NCOR2: variants seen among roughly 807,000 people sequenced by gnomAD.
The protein encoded by NCOR2 is CTG repeat protein 26.
A neutral mutation model predicts 262.9 loss-of-function variants in NCOR2; 81 were observed. The observed-to-expected ratio is 0.31, with a 90% confidence interval of 0.26 to 0.37. The LOEUF (loss-of-function observed/expected upper bound fraction) is 0.37. Ranked by LOEUF, NCOR2 falls within the 10% of genes least tolerant of loss-of-function variation. NCOR2 has a pLI of 1.00. For synonymous variants in NCOR2, 1,659 were observed against 1,559.3 expected (o/e 1.06, Z -1.51); for missense variants, 3,385 against 3,621.4 (o/e 0.93, Z 1.68).
At chr12:124,515,143 C>T (rs891514195) in intron 1 of NCOR2, among the ~76,000 whole-genome samples, 1 of 152,166 alleles carries the variant, frequency 6.6e-6, no homozygotes, top group Admixed American at 6.5e-5. Context: ...CTGCCTGGAC[C>T]CCCTGGGATG....
At chr12:124,558,534 G>A (rs958160882) in intron 1 of NCOR2, among the ~76,000 whole-genome samples, 3 of 152,220 alleles carry the variant, frequency 2.0e-5, no homozygotes, top group Non-Finnish European at 2.9e-5. Context: ...GGAGGCGGCT[G>A]CAGTCCCAGG....
intron 17 of NCOR2, 142 bp downstream of exon 19, chr12:124,385,603 C>T (rs1593312701): frequency 7.8e-7 from 1 of 1,278,264 alleles, no homozygotes; most frequent in Non-Finnish European, 1.1e-6. Context: ...GGGCTTGAAC[C>T]CCCAGAAGCT....
chr12:124,437,909 G>A (rs750062871), intron 8 of NCOR2, 21 bp downstream of exon 10: 2 of 1,606,320 alleles, frequency 1.2e-6, no homozygotes, highest in East Asian at 2.2e-5. Flanking sequence ...AAAGCTGATG[G>A]GGGCCACGGT....
At chr12:124,429,692 C>T (rs369543497) in exon 10 of NCOR2, 13 of 1,605,258 alleles carry the variant, frequency 8.1e-6, no homozygotes, top group African/African-American at 1.3e-5. Flanking sequence ...CCCACTGCCC[C>T]GCTGGCCCAC....
chr12:124,486,470 C>G (rs1409915520), exon 2 of NCOR2: 2 of 1,612,328 alleles, frequency 1.2e-6, no homozygotes, highest in African/African-American at 1.3e-5. Flanking sequence ...ACTCAGACAG[C>G]AGGGAGGGCC....
chr12:124,325,635 C>G, intron 46 of NCOR2, 52 bp from the exon 49 acceptor site: 4 of 1,204,812 alleles, frequency 3.3e-6, no homozygotes, highest in Non-Finnish European at 4.2e-6. Flanking sequence ...CCCGGCAGCC[C>G]CTGCTGGCCG....
chr12:124,409,316 G>C (rs1235943537), intron 13 of NCOR2, among the ~76,000 whole-genome samples: 1 of 152,188 alleles, frequency 6.6e-6, no homozygotes, highest in Non-Finnish European at 1.5e-5. Context: ...CTGTCTCCTG[G>C]AAGATGGCCC....
At chr12:124,423,203 A>T (rs2043322311) in intron 11 of NCOR2, among the ~76,000 whole-genome samples, 1 of 152,214 alleles carries the variant, frequency 6.6e-6, no homozygotes, top group Non-Finnish European at 1.5e-5. Flanking sequence ...TGTGAGGGCC[A>T]AAGGAGCGGG....
chr12:124,368,124 C>T (rs939831855), intron 20 of NCOR2, among the ~76,000 whole-genome samples: 4 of 152,236 alleles, frequency 2.6e-5, no homozygotes, highest in Non-Finnish European at 4.4e-5. Context: ...AACTGTGCCT[C>T]GGTTTCTCAA....
At chr12:124,388,046 G>C (rs1463911204) in intron 16 of NCOR2, among the ~76,000 whole-genome samples, 1 of 151,608 alleles carries the variant, frequency 6.6e-6, no homozygotes, top group African/African-American at 2.4e-5. Context: ...GATCATGGGG[G>C]CAGTGGGAGT....
intron 37 of NCOR2, among the ~76,000 whole-genome samples, chr12:124,338,095 A>AT (rs1168823636): frequency 6.6e-6 from 1 of 152,202 alleles, no homozygotes; most frequent in African/African-American, 2.4e-5. Context: ...AAACGATGCC[A>AT]TTTTTCATAA....
At chr12:124,487,626 G>A (rs965309189) in intron 1 of NCOR2, among the ~76,000 whole-genome samples, 5 of 152,186 alleles carry the variant, frequency 3.3e-5, no homozygotes, top group South Asian at 2.1e-4. Context: ...TCCGCCCTGC[G>A]GCTAGGCTAT....
Position 124,495,229 on chromosome 12 carries a change from A to T in NCOR2, c.23T>A (p.Val8Glu). ...CTCAGTGGCCCTCCACGTCTGTGCC[A>T]CAGGCTGTGTGGATCCCGACATGGT... The change falls in exon 1 of 47, where the codon GTG becomes GAG. Residue 8 changes from valine (V) to glutamate (E), a missense_variant. Val to Glu is a moderately radical substitution (Grantham distance 121, BLOSUM62 -2). This residue lies in a region of NCOR2 where 237 missense variants were observed against 229.4 expected (regional missense o/e 1.03). Transcript: ENST00000405201. This position sits in a 1 kb window ranked among gnomAD's most constrained non-coding sequence, Gnocchi z 4.4. The T allele has an allele frequency of 6.2e-7, 1 of 1,613,666 alleles. No homozygotes were observed. Among genetic ancestry groups the T allele is most frequent in the East Asian group, 2.2e-5 (1 of 44,868 alleles).
chr12:124,365,722 C>T (rs541272662), intron 20 of NCOR2, among the ~76,000 whole-genome samples: 91 of 151,184 alleles, frequency 6.0e-4, no homozygotes, highest in African/African-American at 2.1e-3. Context: ...CCACTCTCCT[C>T]CCTCCCCTCC....
chr12:124,450,296 C>T lies in NCOR2; in HGVS notation c.763-429G>A, dbSNP rs551278683. 3.9e-5 allele frequency among the ~76,000 whole-genome samples: 6 copies of T among 152,340 alleles called. No homozygotes were observed. In the South Asian group the frequency reaches 6.2e-4, roughly 16 times the overall value. ...ATACCACTCCACCCCCACTGACCAG[C>T]AAAAGACAAAAACGTTGAATGCCAA... On this transcript the variant is annotated intron_variant, in intron 6 of 46. Transcript: ENST00000405201.
chr12:124,384,813 C>T (rs1046032622), intron 17 of NCOR2, among the ~76,000 whole-genome samples: 6 of 151,844 alleles, frequency 4.0e-5, no homozygotes, highest in Middle Eastern at 3.4e-3. Flanking sequence ...TTGGGAGTGG[C>T]GGGGGGAGGA....
Position 124,327,516 on chromosome 12 carries a change from G to A in NCOR2, c.7076C>T (p.Pro2359Leu), listed in dbSNP as rs199616664. The A allele has an allele frequency of 1.2e-4, 188 of 1,613,872 alleles. 1 individual carries two copies. Among genetic ancestry groups the A allele is most frequent in the South Asian group, 1.4e-4 (13 of 91,064 alleles). ...AGGGTTAAAAGCATTGGCGCTGAGC[G>A]GCGGGGACTCTTCCCACTGGTCATA... Residue 2359 changes from proline to leucine, a missense_variant, in exon 45 of 47, where the codon CCG (proline) becomes CTG (leucine). Around this residue, in one of 5 missense-constraint regions of NCOR2, gnomAD observed 1,017 missense variants for 967.2 expected, o/e 1.05. Coordinates refer to ENST00000405201, the Ensembl canonical transcript of NCOR2.
intron 28 of NCOR2, 88 bp from the exon 31 acceptor site, chr12:124,348,402 G>A (rs1593158524): frequency 2.7e-6 from 4 of 1,481,954 alleles, no homozygotes; most frequent in Non-Finnish European, 2.7e-6. Context: ...CCGGTAGGCA[G>A]GAGCCAGCAG....
At chr12:124,475,749 C>T (rs1216116944) in intron 3 of NCOR2, among the ~76,000 whole-genome samples, 7 of 152,186 alleles carry the variant, frequency 4.6e-5, no homozygotes, top group Non-Finnish European at 1.0e-4. Flanking sequence ...TTCTGTTTGA[C>T]GACATGCCCA....
Sources: gnomAD v4.1 joint callset for allele counts (sites outside exome capture counted in the v4.1 genomes callset) on GRCh38, gnomAD v4.1.1 for gene constraint, gnomAD v4.1.1 regional missense constraint, Gnocchi (gnomAD v3.1) non-coding constraint, MANE v1.5 for transcripts, NCBI Gene and HGNC (gene_info 2026-07-23, HGNC 2026-07-21) for gene names.